Variants in DPP10 observed in about 807,000 individuals in gnomAD.
The protein encoded by DPP10 is inactive dipeptidyl peptidase 10.
A neutral mutation model predicts 120.9 loss-of-function variants in DPP10; 33 were observed. The ratio of observed to expected loss-of-function variants is 0.27; its 90% CI spans 0.21 to 0.37. The LOEUF (loss-of-function observed/expected upper bound fraction) is 0.37. Ranked by LOEUF, DPP10 falls within the 10% of genes least tolerant of loss-of-function variation. The pLI, the probability that DPP10 is intolerant of heterozygous loss-of-function variation, is 1.00. For missense variants in DPP10, 816 were observed against 942.8 expected, an observed-to-expected ratio of 0.87 and a Z score of 1.76; for synonymous variants, 337 against 326.1, an observed-to-expected ratio of 1.03 and a Z score of -0.36.
At chr2:115,819,742 C>T (rs1051572546) in intron 21 of DPP10, among the ~76,000 whole-genome samples, 1 of 152,044 alleles carries the variant, frequency 6.6e-6, no homozygotes, top group Non-Finnish European at 1.5e-5. Flanking sequence ...ACCTGTAATC[C>T]CAGCACCTTG....
intron 5 of DPP10, among the ~76,000 whole-genome samples, chr2:115,686,696 G>T (rs764286726): frequency 5.9e-5 from 9 of 152,000 alleles, no homozygotes; most frequent in Non-Finnish European, 4.4e-5. Flanking sequence ...TGATGGGATT[G>T]AATGATTGGA....
chr2:114,627,247 C>G (rs1285988053), intron 1 of DPP10, among the ~76,000 whole-genome samples: 1 of 152,108 alleles, frequency 6.6e-6, no homozygotes, highest in Admixed American at 6.6e-5. Context: ...GCCAAGAGAA[C>G]AGATGGAATC....
chr2:115,768,203 A>G (rs776347479), intron 12 of DPP10, 94 bp from the exon 13 acceptor site: 7 of 969,668 alleles, frequency 7.2e-6, no homozygotes, highest in Non-Finnish European at 1.0e-5. Flanking sequence ...TTATAAATCA[A>G]TATTTGGTAT....
chr2:115,835,340 A>G (rs1012784703), intron 21 of DPP10, among the ~76,000 whole-genome samples: 1 of 152,150 alleles, frequency 6.6e-6, no homozygotes, highest in Non-Finnish European at 1.5e-5. Context: ...TGACCAGGAA[A>G]AGCAAAACAC....
At chr2:114,491,693 C>A (rs573557974) in intron 1 of DPP10, among the ~76,000 whole-genome samples, 4 of 152,190 alleles carry the variant, frequency 2.6e-5, no homozygotes, top group African/African-American at 9.6e-5. Context: ...ATTTTACTCA[C>A]TGAAGCATAA....
rs1052019865 is a variant in DPP10, at chr2:115,241,493, C to G, written c.61-67746C>G. ...CAGGTTAACAATATAAAGCAGTATG[C>G]ACTTATTCACAAAATAATATATATT... is the stretch of plus-strand genomic sequence containing the variant. On this transcript the variant is annotated intron_variant, in intron 1 of 25. Transcript: ENST00000410059. 4.6e-5 allele frequency among the ~76,000 whole-genome samples: 7 copies of G among 152,240 alleles called. No individual in the cohort carries two copies. The East Asian group carries it at 1.4e-3, about 29-fold the overall frequency.
At chr2:114,466,159 T>C (rs1180505660) in intron 1 of DPP10, among the ~76,000 whole-genome samples, 1 of 152,222 alleles carries the variant, frequency 6.6e-6, no homozygotes, top group Admixed American at 6.5e-5. Flanking sequence ...CCTGTCATAC[T>C]AAAACTTGTT....
intron 1 of DPP10, among the ~76,000 whole-genome samples, chr2:114,475,119 G>C (rs1240571089): frequency 6.6e-6 from 1 of 152,208 alleles, no homozygotes; most frequent in African/African-American, 2.4e-5. Flanking sequence ...TCCTGAAGAA[G>C]AGAACTTAAA....
intron 3 of DPP10, among the ~76,000 whole-genome samples, chr2:115,472,659 A>G (rs1169198239): frequency 1.3e-5 from 2 of 152,110 alleles, no homozygotes; most frequent in East Asian, 3.9e-4. Context: ...TTATTTGCCT[A>G]CCTGCCCCAT....
chr2:115,715,339 CAAAAAAAAAAAA>C (rs546857779), intron 7 of DPP10, among the ~76,000 whole-genome samples: 1 of 67,664 alleles, frequency 1.5e-5, no homozygotes, highest in Non-Finnish European at 2.4e-5. Flanking sequence ...AACTCCGTCT[CAAAAAAAAAAAA>C]AAAAAAAAAA....
intron 1 of DPP10, among the ~76,000 whole-genome samples, chr2:114,737,104 AAAAC>A (rs1403516676): frequency 5.3e-5 from 8 of 152,222 alleles, no homozygotes; most frequent in South Asian, 2.1e-4. Context: ...GCTAATTGAA[AAAAC>A]AAACAAAAGA....
intron 1 of DPP10, among the ~76,000 whole-genome samples, chr2:114,917,541 C>G (rs1430805456): frequency 1.3e-5 from 2 of 151,698 alleles, no homozygotes; most frequent in African/African-American, 4.8e-5. Flanking sequence ...CTGGAGGCAT[C>G]ACCTGACTTC....
At position 115,689,742 on chromosome 2, in the gene DPP10, A is replaced by G; in HGVS notation, c.494+3A>G. On this transcript the variant is annotated splice_donor_region_variant and intron_variant, in intron 6 of 25. Coordinates refer to ENST00000410059, the MANE Select transcript of DPP10 (RefSeq NM_020868.6). ...GTGATTTACAACATACACACTAGGT[A>G]AGTTCTTTGATTTTCTAGTTTTCAT... is the stretch of plus-strand genomic sequence containing the variant. 6.2e-7 allele frequency: 1 copy of G among 1,601,942 alleles called. No individual in the cohort carries two copies. Among genetic ancestry groups the G allele is most frequent in the South Asian group, 1.1e-5 (1 of 90,364 alleles).
intron 3 of DPP10, among the ~76,000 whole-genome samples, chr2:115,395,247 C>T (rs1447493597): frequency 2.0e-5 from 3 of 152,190 alleles, no homozygotes; most frequent in African/African-American, 7.2e-5. Context: ...GTCCTGCCTC[C>T]GTGCATGTGC....
At chr2:115,817,679 G>GTTT (rs74265875) in intron 21 of DPP10, among the ~76,000 whole-genome samples, 7 of 148,444 alleles carry the variant, frequency 4.7e-5, no homozygotes, top group African/African-American at 1.5e-4. Context: ...TTAGTTTTTT[G>GTTT]TTTTTTTTTT....
chr2:115,475,977 G>T (rs890022848), intron 3 of DPP10, among the ~76,000 whole-genome samples: 2 of 152,274 alleles, frequency 1.3e-5, no homozygotes, highest in African/African-American at 4.8e-5. Context: ...TATGCAAAAG[G>T]AACTTGCTTT....
intron 11 of DPP10, among the ~76,000 whole-genome samples, chr2:115,755,130 A>C (rs893910800): frequency 1.3e-5 from 2 of 152,088 alleles, no homozygotes; most frequent in African/African-American, 4.8e-5. Flanking sequence ...GGCAACTACT[A>C]TTCTGAGGTC....
intron 1 of DPP10, among the ~76,000 whole-genome samples, chr2:114,544,791 CATAG>C (rs1243089354): frequency 2.6e-5 from 4 of 151,876 alleles, no homozygotes; most frequent in Non-Finnish European, 4.4e-5. Context: ...AGGATTAATT[CATAG>C]ATTGATTATT....
At position 115,643,321 on chromosome 2, in the gene DPP10, G is replaced by A. The variant is rs532790333; in HGVS notation, c.442-46366G>A. On this transcript the variant is annotated intron_variant, in intron 5 of 25. Transcript: ENST00000410059. ...CTCCACTGTGACATTGGCTACTTCG[G>A]CTGCAATAGAGAGATTAAAGAATCA... Among the ~76,000 whole-genome samples the A allele has an allele frequency of 1.3e-3, 196 of 152,226 alleles. 1 individual carries two copies. The highest frequency in any genetic ancestry group is 4.6e-3 in the African/African-American group (192 of 41,548).
Sources: allele counts gnomAD v4.1 joint callset (sites outside exome capture counted in the v4.1 genomes callset), GRCh38; gene constraint gnomAD v4.1.1; transcripts MANE v1.5; gene names NCBI Gene and HGNC (gene_info 2026-07-23, HGNC 2026-07-21).